SPANXN3: variants seen among roughly 807,000 people sequenced by gnomAD.
SPANXN3 encodes sperm protein associated with the nucleus on the X chromosome N3.
In SPANXN3, 1 loss-of-function variant was observed where a neutral mutation model predicts 1.9. That is an observed-to-expected ratio of 0.54 (90% confidence interval 0.19 to 2.54). The LOEUF is 2.54. Among genes scored for constraint, SPANXN3 ranks in the 30% most tolerant of loss-of-function variants. The pLI is 0.24. For missense variants in SPANXN3, 113 were observed against 96.2 expected (o/e 1.17, Z -0.73); for synonymous variants, 47 against 40.0 (o/e 1.17, Z -0.66).
At chrX:143,513,591 A>C (rs1419301428) in intron 1 of SPANXN3, among the ~76,000 whole-genome samples, 1 of 111,313 alleles carries the variant, frequency 9.0e-6, no homozygotes, top group African/African-American at 3.3e-5. Flanking sequence ...TAACAGGTAC[A>C]TGCCTTATTC....
At chrX:143,515,461 C>T (rs1204747682) in intron 1 of SPANXN3, among the ~76,000 whole-genome samples, 6 of 111,467 alleles carry the variant, frequency 5.4e-5, no homozygotes, top group Non-Finnish European at 9.4e-5. Flanking sequence ...TTCCTGGCTA[C>T]CCTTCCCCAT....
intron 1 of SPANXN3, among the ~76,000 whole-genome samples, chrX:143,511,588 A>G (rs1929093881): frequency 1.8e-5 from 2 of 111,566 alleles, no homozygotes; most frequent in Admixed American, 1.9e-4. Context: ...CCAAACCTAA[A>G]AAAGGGCCAG....
chrX:143,513,410 T>C (rs1929143322), intron 1 of SPANXN3, among the ~76,000 whole-genome samples: 1 of 111,986 alleles, frequency 8.9e-6, no homozygotes, highest in Admixed American at 9.4e-5. Context: ...CTCTGTTGTT[T>C]TGTGTGACCA....
chrX:143,517,364 C>A lies in SPANXN3; in HGVS notation c.28G>T (p.Gly10Trp). The change falls in exon 1 of 2, where the codon GGG becomes TGG. Residue 10 changes from glycine (G) to tryptophan (W), a missense_variant. Gly to Trp is a radical substitution (Grantham distance 184). Transcript: ENST00000370503. ...TCACAGGGGCTCTTCGTCTTCTCCCCATTGGTGCTGGAAGTTGGCTGTTCC... is the reference window on the plus strand; with the variant it reads ...TCACAGGGGCTCTTCGTCTTCTCCCAATTGGTGCTGGAAGTTGGCTGTTCC... Reference protein sequence around the residue: MEQPTSSTNGEKTKSPCESN... With the variant: MEQPTSSTNWEKTKSPCESN... 15 of 1,211,611 alleles carry A rather than the reference C, an allele frequency of 1.2e-5. No homozygotes were observed. Among genetic ancestry groups the A allele is most frequent in the Non-Finnish European group, 1.7e-5 (15 of 895,410 alleles).
intron 1 of SPANXN3, among the ~76,000 whole-genome samples, chrX:143,513,463 G>A (rs1242431819): frequency 1.8e-5 from 2 of 111,709 alleles, no homozygotes; most frequent in Non-Finnish European, 3.8e-5. Context: ...TGGCCACATC[G>A]CTGGCCTTAG....
At chrX:143,513,158 C>A (rs1271919791) in intron 1 of SPANXN3, among the ~76,000 whole-genome samples, 1 of 111,860 alleles carries the variant, frequency 8.9e-6, no homozygotes, top group East Asian at 2.8e-4. Context: ...GACTTGCTGG[C>A]CAAGCCACTA....
intron 1 of SPANXN3, among the ~76,000 whole-genome samples, chrX:143,511,291 C>T (rs1242123098): frequency 9.0e-6 from 1 of 111,579 alleles, no homozygotes; most frequent in Non-Finnish European, 1.9e-5. Flanking sequence ...CTTCTGTAGA[C>T]AGGCAGAAAC....
intron 1 of SPANXN3, chrX:143,510,301 T>A (rs1360502138): frequency 9.0e-6 from 1 of 111,015 alleles, no homozygotes; most frequent in Non-Finnish European, 1.9e-5. Context: ...GACTGCAGCC[T>A]CCCTTCTCAG....
intron 1 of SPANXN3, among the ~76,000 whole-genome samples, chrX:143,514,616 G>T (rs1179874884): frequency 2.7e-5 from 3 of 110,855 alleles, no homozygotes; most frequent in African/African-American, 3.3e-5. Context: ...ACATTCTCTG[G>T]ATGGATAAAA....
chrX:143,513,052 G>A (rs781855147), intron 1 of SPANXN3, among the ~76,000 whole-genome samples: 7 of 110,783 alleles, frequency 6.3e-5, no homozygotes, highest in Non-Finnish European at 1.3e-4. Flanking sequence ...CCAATGAAAG[G>A]AGCTAATTTG....
intron 1 of SPANXN3, among the ~76,000 whole-genome samples, chrX:143,512,669 G>C (rs1392964779): frequency 9.0e-6 from 1 of 111,463 alleles, no homozygotes; most frequent in East Asian, 2.8e-4. Flanking sequence ...CTTAAATCCG[G>C]CTTACAGAAG....
chrX:143,517,041 C>A (rs1602859270), intron 1 of SPANXN3, among the ~76,000 whole-genome samples: 1 of 111,228 alleles, frequency 9.0e-6, no homozygotes, highest in East Asian at 2.9e-4. Context: ...TTTCAAGATA[C>A]ACCACAATGA....
At chrX:143,511,277 G>A (rs781952899) in intron 1 of SPANXN3, among the ~76,000 whole-genome samples, 13 of 111,462 alleles carry the variant, frequency 1.2e-4, no homozygotes, top group African/African-American at 3.9e-4. Context: ...GAATTATCAG[G>A]CAACTTCTGT....
At position 143,517,364 on chromosome X, in the gene SPANXN3, C is replaced by T. The variant is rs373981956; in HGVS notation, c.28G>A (p.Gly10Arg). 22 of 1,209,692 alleles carry T rather than the reference C, an allele frequency of 1.8e-5. No individual in the cohort carries two copies. The highest frequency in any genetic ancestry group is 6.6e-5 in the Admixed American group (3 of 45,742). Residue 10 changes from glycine (G) to arginine (R), a missense_variant, in exon 1 of 2, where the codon GGG (glycine) becomes AGG (arginine). Transcript: ENST00000370503. ...TCACAGGGGCTCTTCGTCTTCTCCC[C>T]ATTGGTGCTGGAAGTTGGCTGTTCC... is the stretch of plus-strand genomic sequence containing the variant. MEQPTSSTNGEKTKSPCESN... is the reference protein window; with the variant it reads MEQPTSSTNREKTKSPCESN...
At position 143,517,448 on chromosome X, in the gene SPANXN3, C is replaced by G; in HGVS notation, c.-57G>C. 8.6e-7 allele frequency: 1 copy of G among 1,159,643 alleles called. No individual in the cohort carries two copies. The highest frequency in any genetic ancestry group is 1.2e-6 in the Non-Finnish European group (1 of 850,282). On this transcript the variant is annotated 5_prime_UTR_variant, in exon 1 of 2. Transcript: ENST00000370503. The stretch of plus-strand genomic sequence containing the variant: ...GGCTCCTGTAGACTGCAGACTTCCA[C>G]AGCTATGTTGAAGCTTCCCAGTGGG...
intron 1 of SPANXN3, among the ~76,000 whole-genome samples, chrX:143,515,986 G>A (rs1408289536): frequency 7.7e-5 from 2 of 25,812 alleles, no homozygotes; most frequent in Non-Finnish European, 1.1e-4. Flanking sequence ...GGCTGGAGCC[G>A]CTCTTCATAT....
intron 1 of SPANXN3, among the ~76,000 whole-genome samples, chrX:143,515,895 C>T (rs1176855321): frequency 8.9e-6 from 1 of 111,844 alleles, no homozygotes; most frequent in African/African-American, 3.3e-5. Context: ...GGGCTGTCAC[C>T]CTCCCTCGCC....
chrX:143,511,238 C>T (rs1438209852), intron 1 of SPANXN3, among the ~76,000 whole-genome samples: 2 of 111,376 alleles, frequency 1.8e-5, no homozygotes, highest in African/African-American at 6.5e-5. Flanking sequence ...AGTAGGGACC[C>T]TAGCTGTCCC....
At position 143,508,958 on chromosome X, in the gene SPANXN3, A is replaced by T; in HGVS notation, c.283T>A (p.Ser95Thr). The T allele has an allele frequency of 2.5e-6, 3 of 1,211,755 alleles. No individual in the cohort carries two copies. Among genetic ancestry groups the T allele is most frequent in the Non-Finnish European group, 3.4e-6 (3 of 895,420 alleles). The change falls in exon 2 of 2, where the codon TCT becomes ACT. Residue 95 changes from serine to threonine, a missense_variant. By Grantham distance (58) the Ser-to-Thr change is moderately conservative. Coordinates refer to ENST00000370503, the MANE Select transcript of SPANXN3 (RefSeq NM_001009609.4). Reference protein sequence around the residue: ...EDEGVDLSEGSSNEDEDLGPC... With the variant: ...EDEGVDLSEGTSNEDEDLGPC... ...CCTAGGTCTTCATCCTCATTTGAAG[A>T]TCCTTCAGATAAGTCTACGCCTTCG... is the stretch of plus-strand genomic sequence containing the variant.
Sources: allele counts gnomAD v4.1 joint callset (sites outside exome capture counted in the v4.1 genomes callset), GRCh38; gene constraint gnomAD v4.1.1; transcripts MANE v1.5; gene names NCBI Gene and HGNC (gene_info 2026-07-23, HGNC 2026-07-21).